ERBB4: variants seen among roughly 807,000 people sequenced by gnomAD.
ERBB4 encodes the protein erb-b2 receptor tyrosine kinase 4.
In ERBB4, 42 loss-of-function variants were observed where a neutral mutation model predicts 158.0. That is an observed-to-expected ratio of 0.27 (90% CI 0.21 to 0.34). The LOEUF (loss-of-function observed/expected upper bound fraction) is 0.34, where lower values mean the gene tolerates loss of function less well. Among genes scored for constraint, ERBB4 ranks in the 10% least tolerant of loss-of-function variants. ERBB4 has a pLI of 1.00. For missense variants in ERBB4, 1,333 were observed against 1,624.1 expected (o/e 0.82, Z 3.08); for synonymous variants, 583 against 558.7 (o/e 1.04, Z -0.61).
At chr2:212,067,394 T>C (rs945855387) in intron 2 of ERBB4, among the ~76,000 whole-genome samples, 3 of 152,006 alleles carry the variant, frequency 2.0e-5, no homozygotes, top group African/African-American at 7.2e-5. Context: ...AAACCTGTCA[T>C]TAGATTGTAG....
At chr2:212,170,968 A>T (rs1168988944) in intron 1 of ERBB4, among the ~76,000 whole-genome samples, 1 of 152,054 alleles carries the variant, frequency 6.6e-6, no homozygotes, top group Non-Finnish European at 1.5e-5. Context: ...GAGGGCCACC[A>T]TCCTCCAGGC....
chr2:211,773,625 TATA>T (rs1407663757), intron 4 of ERBB4, among the ~76,000 whole-genome samples: 8 of 62,218 alleles, frequency 1.3e-4, no homozygotes, highest in Non-Finnish European at 2.3e-4. Flanking sequence ...TATATATATA[TATA>T]TATATATATA....
At position 212,190,628 on chromosome 2, in the gene ERBB4, C is replaced by T. The variant is rs575539178; in HGVS notation, c.83-65725G>A. On this transcript the variant is annotated intron_variant, in intron 1 of 27. Transcript: ENST00000342788. ...TCTTGAAAATTATTCACACCACCAT[C>T]GGTTCCTTTGCAGTGAATGTTGCAG... is the stretch of plus-strand genomic sequence containing the variant. Among the ~76,000 whole-genome samples, 3 of 152,092 alleles carry T rather than the reference C, an allele frequency of 2.0e-5. No homozygotes were observed. In the South Asian group the frequency reaches 6.2e-4, roughly 32 times the overall value.
chr2:212,075,194 A>T (rs1347019156), intron 2 of ERBB4, among the ~76,000 whole-genome samples: 8 of 151,922 alleles, frequency 5.3e-5, no homozygotes, highest in African/African-American at 9.7e-5. Flanking sequence ...GATTTTTTTT[A>T]AAAGAAATAC....
intron 1 of ERBB4, among the ~76,000 whole-genome samples, chr2:212,136,640 G>A (rs1217619212): frequency 2.0e-5 from 3 of 152,190 alleles, no homozygotes; most frequent in African/African-American, 7.2e-5. Context: ...ACATGAGTAT[G>A]CTTGCAGTGG....
chr2:211,784,882 T>A (rs35894627), intron 4 of ERBB4, among the ~76,000 whole-genome samples: 5 of 152,074 alleles, frequency 3.3e-5, no homozygotes, highest in Admixed American at 3.3e-4. Context: ...TCTTTTTATA[T>A]GCTTGTTGGC....
At chr2:212,379,409 A>C (rs1235828016) in intron 1 of ERBB4, among the ~76,000 whole-genome samples, 6 of 151,684 alleles carry the variant, frequency 4.0e-5, no homozygotes, top group Admixed American at 1.3e-4. Flanking sequence ...ACGAAATAAG[A>C]AAAAATTTGT....
intron 20 of ERBB4, among the ~76,000 whole-genome samples, chr2:211,447,743 A>T (rs1489354251): frequency 2.0e-5 from 3 of 152,220 alleles, no homozygotes. Flanking sequence ...TTGTGGTTGC[A>T]TGTAAATGTT....
intron 1 of ERBB4, among the ~76,000 whole-genome samples, chr2:212,446,543 C>G (rs1292989959): frequency 2.5e-5 from 3 of 120,886 alleles, no homozygotes; most frequent in African/African-American, 9.2e-5. Context: ...ATTGTAGGAC[C>G]TTGTGATCAT....
intron 1 of ERBB4, among the ~76,000 whole-genome samples, chr2:212,446,704 G>A (rs1265517576): frequency 7.3e-6 from 1 of 137,516 alleles, no homozygotes; most frequent in Non-Finnish European, 1.6e-5. Context: ...ACTTAGCATA[G>A]CCTTTATTAT....
chr2:211,603,461 A>C (rs1428369910), intron 19 of ERBB4, among the ~76,000 whole-genome samples: 1 of 152,230 alleles, frequency 6.6e-6, no homozygotes, highest in African/African-American at 2.4e-5. Flanking sequence ...CTGAAAAAAA[A>C]TCATCCATTA....
chr2:211,747,721 C>CT lies in ERBB4; in HGVS notation c.622+2917dup, dbSNP rs373573143. 3.3e-3 allele frequency among the ~76,000 whole-genome samples: 486 copies of CT among 148,778 alleles called. 3 individuals carry two copies. The highest frequency in any genetic ancestry group is 0.011 in the African/African-American group (455 of 40,716). ...AACCCTAATAATCAATGACATACAACTTTTTTTTTTGCATTCTACCCTAAT... is the reference window on the plus strand; with the variant it reads ...AACCCTAATAATCAATGACATACAACTTTTTTTTTTTGCATTCTACCCTAAT... On this transcript the variant is annotated intron_variant, in intron 5 of 27. Transcript: ENST00000342788.
At chr2:211,927,500 T>C (rs139658913) in intron 3 of ERBB4, among the ~76,000 whole-genome samples, 8 of 152,280 alleles carry the variant, frequency 5.3e-5, no homozygotes, top group African/African-American at 1.7e-4. Context: ...ATTCTAGCCT[T>C]GGAAACAATG....
chr2:212,493,014 GT>G (rs1690363115), intron 1 of ERBB4, among the ~76,000 whole-genome samples: 1 of 151,322 alleles, frequency 6.6e-6, no homozygotes, highest in Admixed American at 6.6e-5. Flanking sequence ...TTCTGTCAAT[GT>G]TTATTTCTTA....
At chr2:211,683,660 G>T (rs577969170) in intron 12 of ERBB4, among the ~76,000 whole-genome samples, 11 of 151,402 alleles carry the variant, frequency 7.3e-5, no homozygotes, top group Non-Finnish European at 1.5e-4. Context: ...ATATGATTTT[G>T]CATAAATATA....
intron 3 of ERBB4, among the ~76,000 whole-genome samples, chr2:211,879,260 T>A (rs2078599045): frequency 6.6e-6 from 1 of 151,992 alleles, no homozygotes; most frequent in South Asian, 2.1e-4. Context: ...GAAAAACATA[T>A]TTGCAACATT....
intron 7 of ERBB4, among the ~76,000 whole-genome samples, chr2:211,720,829 C>T (rs2074067456): frequency 1.3e-5 from 2 of 152,196 alleles, no homozygotes; most frequent in African/African-American, 2.4e-5. Flanking sequence ...ATACTTACAC[C>T]GTTCTCCCAT....
At chr2:212,320,175 T>A (rs1230740570) in intron 1 of ERBB4, among the ~76,000 whole-genome samples, 1 of 147,812 alleles carries the variant, frequency 6.8e-6, no homozygotes, top group Non-Finnish European at 1.5e-5. Flanking sequence ...ACTGGGTAAA[T>A]CTACCAGGCC....
At chr2:212,449,267 T>G (rs1277735062) in intron 1 of ERBB4, among the ~76,000 whole-genome samples, 1 of 152,150 alleles carries the variant, frequency 6.6e-6, no homozygotes, top group Non-Finnish European at 1.5e-5. Context: ...AAATGCACAT[T>G]AATCAACTAA....
Sources: gnomAD v4.1 joint callset for allele counts (sites outside exome capture counted in the v4.1 genomes callset) on GRCh38, gnomAD v4.1.1 for gene constraint, MANE v1.5 for transcripts, NCBI Gene and HGNC (gene_info 2026-07-23, HGNC 2026-07-21) for gene names.